Variants in RRAS2 observed in about 807,000 individuals in gnomAD.
RRAS2 encodes RAS related 2, also known as ras-related protein R-Ras2.
In RRAS2, 7 loss-of-function variants were observed where a neutral mutation model predicts 27.6. The ratio of observed to expected loss-of-function variants is 0.25; its 90% confidence interval spans 0.14 to 0.48. The LOEUF (loss-of-function observed/expected upper bound fraction) is 0.48, where lower values mean the gene tolerates loss of function less well. Ranked by LOEUF, RRAS2 falls within the 20% of genes least tolerant of loss-of-function variation. RRAS2 has a pLI of 0.99. For synonymous variants in RRAS2, 86 were observed against 90.9 expected (o/e 0.95, Z 0.31); for missense variants, 178 against 256.2 (o/e 0.69, Z 2.08).
intron 1 of RRAS2, among the ~76,000 whole-genome samples, chr11:14,321,250 C>T (rs1276961548): frequency 6.6e-6 from 1 of 152,010 alleles, no homozygotes; most frequent in African/African-American, 2.4e-5. Context: ...TATGTCTATA[C>T]CATTCCTCCT....
chr11:14,286,656 C>T (rs72863288), intron 4 of RRAS2, among the ~76,000 whole-genome samples: 1 of 152,346 alleles, frequency 6.6e-6, no homozygotes, highest in Non-Finnish European at 1.5e-5. Flanking sequence ...GTTTAGTACA[C>T]CAATATACAT....
At chr11:14,355,388 G>T (rs544937729) in intron 1 of RRAS2, among the ~76,000 whole-genome samples, 2 of 152,106 alleles carry the variant, frequency 1.3e-5, no homozygotes, top group Non-Finnish European at 2.9e-5. Context: ...ACATTTAGGT[G>T]TTCTACCTAC....
chr11:14,330,645 G>C (rs868909359), intron 1 of RRAS2, among the ~76,000 whole-genome samples: 1 of 143,096 alleles, frequency 7.0e-6, no homozygotes, highest in African/African-American at 2.4e-5. Context: ...ATGACATGTA[G>C]TTAACATTAA....
At chr11:14,323,451 C>T (rs1436459831) in intron 1 of RRAS2, among the ~76,000 whole-genome samples, 2 of 147,402 alleles carry the variant, frequency 1.4e-5, no homozygotes, top group East Asian at 4.0e-4. Flanking sequence ...GAGCGAGACC[C>T]TGTCTCAAAA....
At chr11:14,345,239 G>T (rs1240655963) in intron 1 of RRAS2, among the ~76,000 whole-genome samples, 1 of 152,034 alleles carries the variant, frequency 6.6e-6, no homozygotes, top group African/African-American at 2.4e-5. Context: ...GCCCTACTCA[G>T]CCTCCCAAAG....
In RRAS2 at chr11:14,341,803, T is replaced by C. The variant is rs555992722; in HGVS notation, c.108+16960A>G. 1.3e-5 allele frequency: 6 copies of C among 455,016 alleles called. No individual in the cohort carries two copies. In the East Asian group the frequency reaches 2.8e-4, roughly 21 times the overall value. The allele number at this position is 455,016 out of a possible 1,614,324, so 28.2% of individuals were successfully genotyped here. On this transcript the variant is annotated intron_variant, in intron 1 of 5. Transcript: ENST00000256196. Reference sequence around the variant, plus strand: ...TGTTATGAAAAAATATAAATACGCATACTCACCTCCCGACTTAGGAAACAA... The same window carrying C: ...TGTTATGAAAAAATATAAATACGCACACTCACCTCCCGACTTAGGAAACAA...
In RRAS2 at chr11:14,294,528, A is replaced by G. The variant is rs1167099358; in HGVS notation, c.351T>C (p.Arg117=). The G allele has an allele frequency of 1.2e-6, 2 of 1,601,246 alleles. No homozygotes were observed. Among genetic ancestry groups the G allele is most frequent in the Non-Finnish European group, 1.7e-6 (2 of 1,175,028 alleles). Residue 117 remains arginine, a synonymous_variant, in exon 4 of 6, where the codon CGT becomes CGC. Coordinates refer to ENST00000256196, the MANE Select transcript of RRAS2 (RefSeq NM_012250.6). The stretch of plus-strand genomic sequence containing the variant: ...CAATTAAAATCATTGGGAACTCATC[A>G]CGATCCTTTACTCTGAGAATCTGTC... ...FQRQILRVKD[R]DEFPMILIGN...
chr11:14,295,156 C>T (rs1554946410), intron 2 of RRAS2, among the ~76,000 whole-genome samples: 1 of 152,078 alleles, frequency 6.6e-6, no homozygotes, highest in African/African-American at 2.4e-5. Flanking sequence ...GTCAGGTGAC[C>T]TCTAAAATCA....
chr11:14,329,881 G>A (rs1848449894), intron 1 of RRAS2, among the ~76,000 whole-genome samples: 1 of 152,120 alleles, frequency 6.6e-6, no homozygotes, highest in Non-Finnish European at 1.5e-5. Flanking sequence ...GTCAGCCTGA[G>A]CAACATAGTG....
chr11:14,356,883 G>C, intron 1 of RRAS2: 1 of 389,704 alleles, frequency 2.6e-6, no homozygotes. Context: ...CGCCTCCCGG[G>C]TTCAAGCGAT....
At chr11:14,338,394 T>C (rs1554952817) in intron 1 of RRAS2, among the ~76,000 whole-genome samples, 2 of 152,216 alleles carry the variant, frequency 1.3e-5, no homozygotes, top group Admixed American at 1.3e-4. Context: ...TATCTGCATA[T>C]ACATGAGTTA....
At chr11:14,318,372 G>A (rs1472165048) in intron 1 of RRAS2, among the ~76,000 whole-genome samples, 1 of 152,044 alleles carries the variant, frequency 6.6e-6, no homozygotes, top group Admixed American at 6.6e-5. Flanking sequence ...GCGTAGTTGC[G>A]CATGCCTGTA....
At chr11:14,290,098 CA>C (rs540503378) in intron 4 of RRAS2, among the ~76,000 whole-genome samples, 193 of 152,272 alleles carry the variant, frequency 1.3e-3, no homozygotes, top group African/African-American at 4.0e-3. Context: ...CTTGGTAGAA[CA>C]ACGTAAGTGT....
At chr11:14,315,283 C>T (rs2133988779) in intron 1 of RRAS2, among the ~76,000 whole-genome samples, 1 of 152,270 alleles carries the variant, frequency 6.6e-6, no homozygotes, top group South Asian at 2.1e-4. Context: ...ACGCTGACAG[C>T]ATGTACTCTT....
chr11:14,303,125 T>C (rs1554947606), intron 1 of RRAS2, among the ~76,000 whole-genome samples: 1 of 152,222 alleles, frequency 6.6e-6, no homozygotes, highest in Non-Finnish European at 1.5e-5. Flanking sequence ...ACAATCTCAA[T>C]ATTCTCTTAC....
chr11:14,282,597 T>G (rs541649242), intron 4 of RRAS2, among the ~76,000 whole-genome samples: 1 of 152,252 alleles, frequency 6.6e-6, no homozygotes, highest in African/African-American at 2.4e-5. Flanking sequence ...AAACAATACC[T>G]TTTATGGCTA....
intron 1 of RRAS2, among the ~76,000 whole-genome samples, chr11:14,333,630 G>C (rs782206995): frequency 3.3e-5 from 5 of 150,008 alleles, no homozygotes; most frequent in East Asian, 2.0e-4. Flanking sequence ...TTTATAATCT[G>C]TTTTCCCCAC....
chr11:14,288,217 G>A (rs1183922333), intron 4 of RRAS2, among the ~76,000 whole-genome samples: 3 of 152,192 alleles, frequency 2.0e-5, no homozygotes, highest in Non-Finnish European at 4.4e-5. Flanking sequence ...GGGCTCAAGG[G>A]ATCTGCCTGC....
chr11:14,313,079 T>C (rs1445951296), intron 1 of RRAS2, among the ~76,000 whole-genome samples: 1 of 152,250 alleles, frequency 6.6e-6, no homozygotes, highest in Non-Finnish European at 1.5e-5. Context: ...ACTAGGTCGC[T>C]AGGGATAATT....
Sources: allele counts gnomAD v4.1 joint callset (sites outside exome capture counted in the v4.1 genomes callset), GRCh38; gene constraint gnomAD v4.1.1; transcripts MANE v1.5; gene names NCBI Gene and HGNC (gene_info 2026-07-23, HGNC 2026-07-21).